SPIRE1: variants seen among roughly 807,000 people sequenced by gnomAD.
SPIRE1 encodes the protein protein spire homolog 1.
In SPIRE1, 40 loss-of-function variants were observed where a neutral mutation model predicts 94.1. The ratio of observed to expected loss-of-function variants is 0.43; its 90% confidence interval spans 0.33 to 0.55. The LOEUF (loss-of-function observed/expected upper bound fraction) is 0.55, where lower values mean the gene tolerates loss of function less well. SPIRE1 is among the 20% of genes least tolerant of loss of function. The pLI is 0.06. For missense variants in SPIRE1, 838 were observed against 975.2 expected (o/e 0.86, Z 1.87); for synonymous variants, 376 against 371.7 (o/e 1.01, Z -0.13).
chr18:12,567,596 G>A (rs776559081), intron 2 of SPIRE1, among the ~76,000 whole-genome samples: 5 of 152,122 alleles, frequency 3.3e-5, no homozygotes, highest in Non-Finnish European at 7.4e-5. Context: ...GTCCCTAAGA[G>A]GTCTGATTAC....
intron 2 of SPIRE1, among the ~76,000 whole-genome samples, chr18:12,584,233 C>G (rs932369030): frequency 3.3e-5 from 5 of 151,982 alleles, no homozygotes; most frequent in Admixed American, 3.3e-4. Flanking sequence ...AGTTTGAGAC[C>G]AGCCTGGCCA....
chr18:12,631,548 C>CAAAAAAAAAAAAAA (rs869278182), intron 2 of SPIRE1, among the ~76,000 whole-genome samples: 22 of 63,786 alleles, frequency 3.4e-4, no homozygotes, highest in Admixed American at 4.4e-4. Context: ...CCCATCTCTA[C>CAAAAAAAAAAAAAA]AAAAAAAAAA....
At chr18:12,580,433 C>G (rs563168439) in intron 2 of SPIRE1, among the ~76,000 whole-genome samples, 2 of 152,108 alleles carry the variant, frequency 1.3e-5, no homozygotes, top group South Asian at 2.1e-4. Context: ...AAGCGATTCT[C>G]CTGCCTCAGC....
At chr18:12,527,498 C>A (rs1366351440) in intron 4 of SPIRE1, among the ~76,000 whole-genome samples, 2 of 152,136 alleles carry the variant, frequency 1.3e-5, no homozygotes, top group Non-Finnish European at 2.9e-5. Flanking sequence ...GGGCTTAGAG[C>A]TGCTGCAGAA....
intron 2 of SPIRE1, among the ~76,000 whole-genome samples, chr18:12,547,323 T>C (rs1186770459): frequency 1.3e-5 from 2 of 152,212 alleles, no homozygotes; most frequent in South Asian, 2.1e-4. Context: ...TCTAGTTCCA[T>C]TCAATCACTG....
At position 12,546,664 on chromosome 18, in the gene SPIRE1, G is replaced by A. The variant is rs764059445; in HGVS notation, c.603+10C>T. 10 of 1,581,668 alleles carry A rather than the reference G, an allele frequency of 6.3e-6. No homozygotes were observed. The South Asian group carries it at 6.6e-5, about 11-fold the overall frequency. On this transcript the variant is annotated intron_variant, in intron 3 of 16. Transcript: ENST00000409402. ...GAAAAAAACAAGTACTGCATAAAAC[G>A]CTGCCTTACCTTCATGACATCTCTA...
intron 4 of SPIRE1, among the ~76,000 whole-genome samples, chr18:12,529,690 G>A (rs1296871827): frequency 2.6e-5 from 4 of 152,150 alleles, no homozygotes; most frequent in East Asian, 3.8e-4. Context: ...CAAAATGTTT[G>A]AAATATTCTA....
intron 1 of SPIRE1, among the ~76,000 whole-genome samples, chr18:12,639,836 T>C (rs1432802683): frequency 1.3e-5 from 2 of 150,492 alleles, no homozygotes; most frequent in Non-Finnish European, 3.0e-5. Context: ...ACCACTGCAC[T>C]CCAGCCTGGG....
intron 4 of SPIRE1, among the ~76,000 whole-genome samples, chr18:12,519,748 A>C (rs2034307355): frequency 6.6e-6 from 1 of 152,254 alleles, no homozygotes. Flanking sequence ...ATGCAAATTA[A>C]AATTGTTAAG....
chr18:12,461,971 T>C (rs1359654276), intron 12 of SPIRE1, among the ~76,000 whole-genome samples: 1 of 152,228 alleles, frequency 6.6e-6, no homozygotes, highest in East Asian at 1.9e-4. Context: ...TAGCTGTATA[T>C]TTTGGTAAAA....
chr18:12,513,988 T>C (rs960074131), intron 4 of SPIRE1, among the ~76,000 whole-genome samples: 1 of 152,070 alleles, frequency 6.6e-6, no homozygotes, highest in Admixed American at 6.5e-5. Flanking sequence ...GCACTACAGG[T>C]GTGCACCCCT....
intron 12 of SPIRE1, among the ~76,000 whole-genome samples, chr18:12,456,914 C>T (rs531562008): frequency 1.1e-4 from 16 of 152,266 alleles, no homozygotes; most frequent in Non-Finnish European, 2.1e-4. Context: ...CTTGGCTCAC[C>T]GCAACATCTG....
chr18:12,558,948 A>G (rs1218930848), intron 2 of SPIRE1, among the ~76,000 whole-genome samples: 2 of 152,176 alleles, frequency 1.3e-5, no homozygotes, highest in South Asian at 4.1e-4. Context: ...TGATTGGTGC[A>G]TTTACAATCC....
At chr18:12,617,100 T>C (rs2037329653) in intron 2 of SPIRE1, among the ~76,000 whole-genome samples, 1 of 150,742 alleles carries the variant, frequency 6.6e-6, no homozygotes, top group Admixed American at 6.6e-5. Flanking sequence ...CCTCAAGTGA[T>C]CCTCCAGCCT....
intron 2 of SPIRE1, among the ~76,000 whole-genome samples, chr18:12,610,485 A>C (rs981011110): frequency 4.6e-5 from 7 of 152,138 alleles, no homozygotes; most frequent in African/African-American, 1.7e-4. Context: ...AAATTCTAAG[A>C]TCAAACATTG....
intron 10 of SPIRE1, among the ~76,000 whole-genome samples, chr18:12,470,895 C>T (rs572065971): frequency 1.3e-5 from 2 of 152,048 alleles, no homozygotes; most frequent in South Asian, 4.2e-4. Context: ...GAAAGCCTCT[C>T]GCACTGCTGC....
chr18:12,587,902 C>G (rs2036431992), intron 2 of SPIRE1, among the ~76,000 whole-genome samples: 1 of 152,170 alleles, frequency 6.6e-6, no homozygotes, highest in Non-Finnish European at 1.5e-5. Flanking sequence ...CAGAGTTGTA[C>G]ATTCATGATC....
At chr18:12,527,636 A>G (rs1240742400) in intron 4 of SPIRE1, among the ~76,000 whole-genome samples, 1 of 152,198 alleles carries the variant, frequency 6.6e-6, no homozygotes, top group Non-Finnish European at 1.5e-5. Flanking sequence ...AGCAGAATGA[A>G]TATGAAGAGG....
intron 2 of SPIRE1, among the ~76,000 whole-genome samples, chr18:12,633,427 A>C (rs1705566636): frequency 6.6e-6 from 1 of 151,972 alleles, no homozygotes; most frequent in East Asian, 1.9e-4. Flanking sequence ...AAATACAAAA[A>C]CTAGCCAGCA....
Sources: gnomAD v4.1 joint callset for allele counts (sites outside exome capture counted in the v4.1 genomes callset) on GRCh38, gnomAD v4.1.1 for gene constraint, MANE v1.5 for transcripts, NCBI Gene and HGNC (gene_info 2026-07-23, HGNC 2026-07-21) for gene names.